Variants in TNKS1BP1 observed in about 807,000 individuals in gnomAD.
The protein encoded by TNKS1BP1 is CCR4-NOT transcription complex subunit 12.
A neutral mutation model predicts 141.1 loss-of-function variants in TNKS1BP1; 48 were observed. The ratio of observed to expected loss-of-function variants is 0.34; its 90% CI spans 0.27 to 0.43. The LOEUF is 0.43. Ranked by LOEUF, TNKS1BP1 falls within the 20% of genes least tolerant of loss-of-function variation. The probability of loss-of-function intolerance (pLI) is 1.00; values close to 1 mark genes in which losing one functional copy is unlikely to be tolerated. For synonymous variants in TNKS1BP1, 875 were observed against 898.2 expected (o/e 0.97, Z 0.46); for missense variants, 2,149 against 2,226.0 (o/e 0.97, Z 0.70).
chr11:57,317,583 TATC>T, intron 4 of TNKS1BP1, among the ~76,000 whole-genome samples: 1 of 152,366 alleles, frequency 6.6e-6, no homozygotes. Flanking sequence ...TTGTGGATAC[TATC>T]ATTACTGTTT....
chr11:57,308,911 T>C lies in TNKS1BP1; in HGVS notation c.3800A>G (p.Glu1267Gly). 1.2e-6 allele frequency: 2 copies of C among 1,613,914 alleles called. No individual in the cohort carries two copies. The highest frequency in any genetic ancestry group is 1.7e-6 in the Non-Finnish European group (2 of 1,180,020). Residue 1267 changes from glutamate to glycine, a missense_variant, in exon 6 of 12, where the codon GAG becomes GGG. Glu to Gly is a moderately conservative substitution (Grantham distance 98, BLOSUM62 -2). Coordinates refer to ENST00000358252, the MANE Select transcript of TNKS1BP1 (RefSeq NM_033396.3). ...QTDWSGVEAG[E>G]FLKSRERGVG... Reference sequence around the variant, plus strand: ...TCCACGCTCCCTTGATTTAAGGAACTCTCCGGCCTCCACACCTGACCAGTC... The same window carrying C: ...TCCACGCTCCCTTGATTTAAGGAACCCTCCGGCCTCCACACCTGACCAGTC...
At chr11:57,323,125 T>A (rs1047808516) in intron 1 of TNKS1BP1, among the ~76,000 whole-genome samples, 1 of 152,164 alleles carries the variant, frequency 6.6e-6, no homozygotes, top group Non-Finnish European at 1.5e-5. Context: ...TAGCACATAA[T>A]AAGTGTTCAA....
chr11:57,300,228 G>T, intron 11 of TNKS1BP1, 147 bp from the exon 12 acceptor site: 1 of 352,080 alleles, frequency 2.8e-6, no homozygotes, highest in South Asian at 4.7e-5. Context: ...AGAAGGGCTG[G>T]CTGACCACTC....
In TNKS1BP1 at chr11:57,313,247, G is replaced by A. The variant is rs1326789089; in HGVS notation, c.1441C>T (p.Pro481Ser). The change falls in exon 5 of 12, where the codon CCC becomes TCC. Residue 481 changes from proline to serine, a missense_variant. Coordinates refer to ENST00000358252, the MANE Select transcript of TNKS1BP1 (RefSeq NM_033396.3). Reference sequence around the variant, plus strand: ...ACGCCCAGACCCGAGGGCCTCGTGGGGAAGGTCCATTCGAAGGACTGTGAT... The same window carrying A: ...ACGCCCAGACCCGAGGGCCTCGTGGAGAAGGTCCATTCGAAGGACTGTGAT... Reference protein sequence around the residue: ...SLSQSFEWTFPTRPSGLGVWR... With the variant: ...SLSQSFEWTFSTRPSGLGVWR... 2 of 1,612,782 alleles carry A rather than the reference G, an allele frequency of 1.2e-6. No homozygotes were observed. Among genetic ancestry groups the A allele is most frequent in the Non-Finnish European group, 1.7e-6 (2 of 1,180,020 alleles).
At chr11:57,323,714 A>C (rs1855919087) in intron 1 of TNKS1BP1, among the ~76,000 whole-genome samples, 1 of 152,228 alleles carries the variant, frequency 6.6e-6, no homozygotes, top group South Asian at 2.1e-4. Context: ...GTGCAGAGCC[A>C]GGCCAAGTGT....
chr11:57,321,121 A>C (rs1855879210), intron 2 of TNKS1BP1, among the ~76,000 whole-genome samples: 1 of 152,000 alleles, frequency 6.6e-6, no homozygotes, highest in Non-Finnish European at 1.5e-5. Context: ...TAGTTTTTTC[A>C]CCTTATGTGA....
rs200089812 is a variant in TNKS1BP1 at position 57,309,181 on chromosome 11, C to T, written c.3530G>A (p.Gly1177Asp). 32 of 1,614,178 alleles carry T rather than the reference C, an allele frequency of 2.0e-5. No individual in the cohort carries two copies. The East Asian group carries it at 7.1e-4, about 36-fold the overall frequency. Reference protein sequence around the residue: ...LRNLEVSSCVGSGGSSEARES... With the variant: ...LRNLEVSSCVDSGGSSEARES... ...CCTGGCCTCGCTCGAGCCCCCAGAA[C>T]CCACACAGCTGGACACTTCCAAGTT... Residue 1177 changes from glycine (G) to aspartate (D), a missense_variant, in exon 6 of 12, where the codon GGT becomes GAT. Coordinates refer to ENST00000358252, the MANE Select transcript of TNKS1BP1 (RefSeq NM_033396.3). The surrounding 1 kb of genome is among the most constrained non-coding windows in gnomAD (Gnocchi z 4.3).
At position 57,320,351 on chromosome 11, in the gene TNKS1BP1, G is replaced by T. The variant is rs373304577; in HGVS notation, c.456C>A (p.Ala152=). The T allele has an allele frequency of 5.0e-6, 8 of 1,614,078 alleles. No homozygotes were observed. The highest frequency in any genetic ancestry group is 6.8e-6 in the Non-Finnish European group (8 of 1,180,054). The change falls in exon 3 of 12, where the codon GCC becomes GCA. Residue 152 remains alanine (A), a synonymous_variant. Coordinates refer to ENST00000358252, the MANE Select transcript of TNKS1BP1 (RefSeq NM_033396.3). Reference sequence around the variant, plus strand: ...CCGTGGTGGCCGCGAAGCGCTCTGAGGCTGGGCGGAAAGGGGCAGGGGCCT... The same window carrying T: ...CCGTGGTGGCCGCGAAGCGCTCTGATGCTGGGCGGAAAGGGGCAGGGGCCT... ...VRKAPAPFRP[A]SERFAATTVE...
intron 11 of TNKS1BP1, among the ~76,000 whole-genome samples, 178 bp from the exon 12 acceptor site, chr11:57,300,259 G>A (rs577148376): frequency 2.6e-5 from 4 of 152,188 alleles, no homozygotes; most frequent in Admixed American, 1.3e-4. Context: ...CAGGGAGCAT[G>A]GGGGGACTGT....
At position 57,303,148 on chromosome 11, in the gene TNKS1BP1, G is replaced by A. The variant is rs117862121; in HGVS notation, c.4317-323C>T. 2,479 of 294,418 alleles carry A rather than the reference G, an allele frequency of 8.4e-3. 26 individuals carry two copies. Among genetic ancestry groups the A allele is most frequent in the Middle Eastern group, 0.026 (28 of 1,072 alleles). 18.2% of individuals were successfully genotyped at this position (294,418 alleles called of 1,614,324 possible). A position where few individuals can be genotyped will look rare whatever the true frequency, so the allele number is the denominator to read the frequency against. ...CACTTAGCACAGTCCTGGTCAGCAC[G>A]CACCGCAGAAGCAGCAGCCATTATT... On this transcript the variant is annotated intron_variant, in intron 6 of 11. Transcript: ENST00000358252.
At chr11:57,311,442 C>T (rs1000252545) in intron 5 of TNKS1BP1, 3 of 985,866 alleles carry the variant, frequency 3.0e-6, no homozygotes, top group African/African-American at 1.7e-5. Flanking sequence ...CTGCTACCCG[C>T]GCTGGGACCT....
In TNKS1BP1 at chr11:57,302,302, C is replaced by T. The variant is rs1413309503; in HGVS notation, c.4684-78G>A. ...CCCCTCAACAGTAGCTGACCAGGAG[C>T]TGGACCCCTCCTGCAGCCGGAGCTT... On this transcript the variant is annotated intron_variant, in intron 7 of 11. Transcript: ENST00000358252. This position sits in a 1 kb window ranked among gnomAD's most constrained non-coding sequence, Gnocchi z 5.5. 18 of 1,552,274 alleles carry T rather than the reference C, an allele frequency of 1.2e-5. No individual in the cohort carries two copies. Among genetic ancestry groups the T allele is most frequent in the Non-Finnish European group, 1.4e-5 (16 of 1,147,250 alleles).
chr11:57,304,945 G>A (rs1171910133), intron 6 of TNKS1BP1, among the ~76,000 whole-genome samples: 1 of 151,860 alleles, frequency 6.6e-6, no homozygotes, highest in Non-Finnish European at 1.5e-5. Context: ...AGAGGTCAGT[G>A]AGCTCTGGAG....
chr11:57,302,403 G>A lies in TNKS1BP1; in HGVS notation c.4683+56C>T. 6.5e-7 allele frequency: 1 copy of A among 1,547,232 alleles called. No individual in the cohort carries two copies. The highest frequency in any genetic ancestry group is 8.8e-7 in the Non-Finnish European group (1 of 1,142,348). On this transcript the variant is annotated intron_variant, in intron 7 of 11. Transcript: ENST00000358252. This position sits in a 1 kb window ranked among gnomAD's most constrained non-coding sequence, Gnocchi z 5.5. ...CTGCTCAGGGAAGCTCCAGGAATGG[G>A]GCTCTCGCTGCATCGCCCTCACCCA...
intron 2 of TNKS1BP1, 49 bp downstream of exon 2, chr11:57,321,743 T>TGGCGC: frequency 8.4e-7 from 1 of 1,186,780 alleles, no homozygotes; most frequent in African/African-American, 1.5e-5. Flanking sequence ...GCCTCTGTCC[T>TGGCGC]TCCCACCCCC....
At chr11:57,324,158 A>T (rs1855927088) in intron 1 of TNKS1BP1, among the ~76,000 whole-genome samples, 2 of 152,226 alleles carry the variant, frequency 1.3e-5, no homozygotes, top group Non-Finnish European at 1.5e-5. Context: ...GACTCGGCGC[A>T]GGCGGGGTCG....
At position 57,319,978 on chromosome 11, in the gene TNKS1BP1, C is replaced by T. The variant is rs532670549; in HGVS notation, c.728+101G>A. 1.5e-4 allele frequency: 219 copies of T among 1,504,900 alleles called. No individual in the cohort carries two copies. The Middle Eastern group carries it at 2.5e-3, about 17-fold the overall frequency. The allele number at this position is 1,504,900 out of a possible 1,614,324, so 93.2% of individuals were successfully genotyped here. On this transcript the variant is annotated intron_variant, in intron 3 of 11. Coordinates refer to ENST00000358252, the MANE Select transcript of TNKS1BP1 (RefSeq NM_033396.3). ...ACAACCAACCTACAGGTAAAAGTCACAACCCTATATGGGGCCATGCACTTG... is the reference window on the plus strand; with the variant it reads ...ACAACCAACCTACAGGTAAAAGTCATAACCCTATATGGGGCCATGCACTTG...
Position 57,302,234 on chromosome 11 carries a change from G to T in TNKS1BP1, c.4684-10C>A. 1 of 1,605,330 alleles carries T rather than the reference G, an allele frequency of 6.2e-7. No homozygotes were observed. ...CGAGGATCTCGGTGTCCTGCTTGGG[G>T]CAATGGTGACACCACTGCCATTGCT... On this transcript the variant is annotated splice_polypyrimidine_tract_variant and intron_variant, in intron 7 of 11. Coordinates refer to ENST00000358252, the MANE Select transcript of TNKS1BP1 (RefSeq NM_033396.3). This position sits in a 1 kb window ranked among gnomAD's most constrained non-coding sequence, Gnocchi z 5.5.
Position 57,311,373 on chromosome 11 carries a change from C to G in TNKS1BP1, c.2155-817G>C, listed in dbSNP as rs369083458. 89 of 985,630 alleles carry G rather than the reference C, an allele frequency of 9.0e-5. 2 individuals are homozygous for G. In the East Asian group the frequency reaches 1.8e-3, roughly 20 times the overall value. 61.1% of individuals were successfully genotyped at this position (985,630 alleles called of 1,614,324 possible). A position where few individuals can be genotyped will look rare whatever the true frequency, so the allele number is the denominator to read the frequency against. On this transcript the variant is annotated intron_variant, in intron 5 of 11. Coordinates refer to ENST00000358252, the MANE Select transcript of TNKS1BP1 (RefSeq NM_033396.3). ...CCCCAGGCTGGGCCATGGCCCCCCGCCCCCAACCCGCCTTGGGGCTGCTGG... is the reference window on the plus strand; with the variant it reads ...CCCCAGGCTGGGCCATGGCCCCCCGGCCCCAACCCGCCTTGGGGCTGCTGG...
Sources: gnomAD v4.1 joint callset for allele counts (sites outside exome capture counted in the v4.1 genomes callset) on GRCh38, gnomAD v4.1.1 for gene constraint, Gnocchi (gnomAD v3.1) non-coding constraint, MANE v1.5 for transcripts, NCBI Gene and HGNC (gene_info 2026-07-23, HGNC 2026-07-21) for gene names.